PZP: variants seen among roughly 807,000 people sequenced by gnomAD.
The protein encoded by PZP is PZP alpha-2-macroglobulin like.
A neutral mutation model predicts 179.8 loss-of-function variants in PZP; 150 were observed. That is an observed-to-expected ratio of 0.83 (90% CI 0.73 to 0.96). The LOEUF is 0.96. Ranked by LOEUF, PZP falls within the 40% of genes least tolerant of loss-of-function variation. The probability of loss-of-function intolerance (pLI) is 0.00; values close to 1 mark genes in which losing one functional copy is unlikely to be tolerated. For missense variants in PZP, 1,689 were observed against 1,764.0 expected (o/e 0.96, Z 0.76); for synonymous variants, 624 against 652.3 (o/e 0.96, Z 0.66).
chr12:9,205,028 G>A lies in PZP; in HGVS notation c.84-1077C>T, dbSNP rs978864331. Among the ~76,000 whole-genome samples, 53 of 152,106 alleles carry A rather than the reference G, an allele frequency of 3.5e-4. 1 individual carries two copies. Among genetic ancestry groups the A allele is most frequent in the Non-Finnish European group, 2.6e-4 (18 of 67,990 alleles). On this transcript the variant is annotated intron_variant, in intron 1 of 35. Transcript: ENST00000261336. ...AAGAAGGATCACTTAAGCCCACGAGGTTGAGGCTACAGTGAGCTATGATTG... is the reference window on the plus strand; with the variant it reads ...AAGAAGGATCACTTAAGCCCACGAGATTGAGGCTACAGTGAGCTATGATTG...
intron 7 of PZP, 33 bp from the exon 8 acceptor site, chr12:9,197,156 A>G (rs1943826087): frequency 6.9e-7 from 1 of 1,452,506 alleles, no homozygotes; most frequent in Admixed American, 1.7e-5. Flanking sequence ...GGAATTGAGA[A>G]TGGCTGTTTG....
At position 9,203,896 on chromosome 12, in the gene PZP, A is replaced by G; in HGVS notation, c.139T>C (p.Cys47Arg). 1 of 1,614,060 alleles carries G rather than the reference A, an allele frequency of 6.2e-7. No individual in the cohort carries two copies. Among genetic ancestry groups the G allele is most frequent in the Non-Finnish European group, 8.5e-7 (1 of 1,179,924 alleles). Residue 47 changes from cysteine to arginine, a missense_variant, in exon 2 of 36, where the codon TGT becomes CGT. By Grantham distance (180) the Cys-to-Arg change is radical. This residue lies in a region of PZP where 742 missense variants were observed against 730.5 expected (regional missense o/e 1.02). Transcript: ENST00000261336. The stretch of plus-strand genomic sequence containing the variant: ...TCATTCAGGTGGCTCAGAAGGACAC[A>G]GCCCTTCTTAGGGGCCTCAGTGTGG... The part of the protein sequence containing the change: ...LLHTEAPKKG[C>R]VLLSHLNETV...
the PZP span, among the ~76,000 whole-genome samples, chr12:9,136,760 G>T: frequency 1.3e-5 from 2 of 151,906 alleles, no homozygotes; most frequent in African/African-American, 4.8e-5. Context: ...GTTTTGATTT[G>T]CATTTCCCTG....
intron 15 of PZP, 84 bp from the exon 16 acceptor site, chr12:9,169,675 T>A: frequency 2.3e-6 from 3 of 1,292,106 alleles, no homozygotes; most frequent in Non-Finnish European, 3.1e-6. Context: ...AAAATAATTA[T>A]CACCAATCTT....
At chr12:9,181,921 G>A (rs1411100808) in intron 14 of PZP, 54 bp downstream of exon 14, 6 of 1,556,572 alleles carry the variant, frequency 3.9e-6, no homozygotes, top group Non-Finnish European at 4.4e-6. Flanking sequence ...AAAATAGATG[G>A]CACCTACAGT....
chr12:9,139,413 A>G, the PZP span, among the ~76,000 whole-genome samples: 3 of 152,248 alleles, frequency 2.0e-5, no homozygotes, highest in South Asian at 4.2e-4. Context: ...TGTTTGGTGG[A>G]ATATTCTGCA....
At position 9,197,081 on chromosome 12, in the gene PZP, G is replaced by T; in HGVS notation, c.798C>A (p.Ser266Arg). 2 of 1,613,378 alleles carry T rather than the reference G, an allele frequency of 1.2e-6. No homozygotes were observed. The highest frequency in any genetic ancestry group is 1.7e-6 in the Non-Finnish European group (2 of 1,179,664). Residue 266 changes from serine to arginine, a missense_variant, in exon 8 of 36, where the codon AGC (serine) becomes AGA (arginine). Ser to Arg is a moderately radical substitution (Grantham distance 110). Around this residue, in one of 3 missense-constraint regions of PZP, gnomAD observed 742 missense variants for 730.5 expected, o/e 1.02. Coordinates refer to ENST00000261336, the MANE Select transcript of PZP (RefSeq NM_002864.3). The stretch of plus-strand genomic sequence containing the variant: ...GAACACGAGATAATTTTCTACACAG[G>T]CTCACAGTTGCAAGTCCTGGGACAG... ...GKPVPGLATV[S>R]LCRKLSRVLN... is the part of the protein sequence containing the mutation.
intron 13 of PZP, 37 bp from the exon 14 acceptor site, chr12:9,182,154 G>GTGAGACAAAATGGTCATAAT: frequency 6.2e-7 from 1 of 1,603,140 alleles, no homozygotes; most frequent in Non-Finnish European, 8.5e-7. Context: ...ATGGTCATAA[G>GTGAGACAAAATGGTCATAAT]TGAGACAAAA....
rs183460683 is a variant in PZP, at chr12:9,205,878, A to T, written c.84-1927T>A. Among the ~76,000 whole-genome samples the T allele has an allele frequency of 3.1e-3, 468 of 152,266 alleles. 3 individuals are homozygous for T. The highest frequency in any genetic ancestry group is 0.011 in the African/African-American group (449 of 41,540). The stretch of plus-strand genomic sequence containing the variant: ...TTGAGTTGTGGAATGTGGAACTCAA[A>T]TTTGGTCCCCTCATCCTCCATGTAG... On this transcript the variant is annotated intron_variant, in intron 1 of 35. Coordinates refer to ENST00000261336, the MANE Select transcript of PZP (RefSeq NM_002864.3).
chr12:9,161,021 A>T lies in PZP; in HGVS notation c.2872+12T>A, dbSNP rs747775013. On this transcript the variant is annotated intron_variant, in intron 23 of 35. Transcript: ENST00000261336. ...CTTTTGGCCCAGGTTTACTAAATGG[A>T]AGGTGACTCACCCAGAACTGAGAAA... The T allele has an allele frequency of 2.7e-5, 42 of 1,551,678 alleles. 1 individual carries two copies. Among genetic ancestry groups the T allele is most frequent in the South Asian group, 2.6e-4 (23 of 89,802 alleles).
At chr12:9,151,564 G>A (rs772334223) in intron 33 of PZP, 40 bp downstream of exon 33, 12 of 1,543,676 alleles carry the variant, frequency 7.8e-6, no homozygotes, top group Middle Eastern at 1.7e-4. Flanking sequence ...TTAGAAAGAC[G>A]ACCCATATGT....
At chr12:9,158,765 T>C (rs1180402469) in intron 25 of PZP, among the ~76,000 whole-genome samples, 189 bp from the exon 26 acceptor site, 1 of 149,338 alleles carries the variant, frequency 6.7e-6, no homozygotes, top group East Asian at 1.9e-4. Flanking sequence ...TTCTTTTTTT[T>C]TTTTTTTTTG....
chr12:9,154,696 C>G lies in PZP; in HGVS notation c.3694G>C (p.Gly1232Arg), dbSNP rs1450784571. The change falls in exon 29 of 36, where the codon GGG becomes CGG. Residue 1232 changes from glycine (G) to arginine (R), a missense_variant. Gly to Arg is a moderately radical substitution (Grantham distance 125). Transcript: ENST00000261336. ...YLTAQPAPTS[G>R]DLTSATNIVK... Reference sequence around the variant, plus strand: ...ATGTTAGTTGCAGAGGTCAGGTCCCCTGAGGTGGGGGCTGGCTGGGCCGTG... The same window carrying G: ...ATGTTAGTTGCAGAGGTCAGGTCCCGTGAGGTGGGGGCTGGCTGGGCCGTG... The G allele has an allele frequency of 6.2e-7, 1 of 1,614,170 alleles. No individual in the cohort carries two copies. Among genetic ancestry groups the G allele is most frequent in the Non-Finnish European group, 8.5e-7 (1 of 1,180,044 alleles).
In PZP at chr12:9,197,632, ATATATTATAT is replaced by A. The variant is rs1181816555; in HGVS notation, c.756-519_756-510del. Among the ~76,000 whole-genome samples the A allele has an allele frequency of 2.6e-3, 184 of 71,410 alleles. 20 individuals carry two copies. Among genetic ancestry groups the A allele is most frequent in the African/African-American group, 8.4e-3 (144 of 17,172 alleles). 46.8% of individuals were successfully genotyped at this position (71,410 alleles called of 152,430 possible). A position where few individuals can be genotyped will look rare whatever the true frequency, so the allele number is the denominator to read the frequency against. On this transcript the variant is annotated intron_variant, in intron 7 of 35. Coordinates refer to ENST00000261336, the MANE Select transcript of PZP (RefSeq NM_002864.3). Reference sequence around the variant, plus strand: ...ATATTATATATTTATATATTATATTATATATTATATTATATAATATAATATAAAATTATTA... The same window carrying A: ...ATATTATATATTTATATATTATATTATATATAATATAATATAAAATTATTA...
rs1462906631 is a variant in PZP at position 9,186,810 on chromosome 12, A to G, written c.1547-4693T>C. 3.1e-5 allele frequency among the ~76,000 whole-genome samples: 4 copies of G among 131,104 alleles called. 1 individual carries two copies. The highest frequency in any genetic ancestry group is 8.6e-5 in the African/African-American group (3 of 35,072). 86.0% of individuals were successfully genotyped at this position (131,104 alleles called of 152,430 possible). On this transcript the variant is annotated intron_variant, in intron 13 of 35. Transcript: ENST00000261336. ...AGTGGAAGTTGAAAAATGAGAACAC[A>G]TGGACACAGGGAGGGGAACATCACA...
downstream of PZP, among the ~76,000 whole-genome samples, chr12:9,144,222 G>GGGA (rs893319774): frequency 1.3e-5 from 2 of 152,154 alleles, no homozygotes; most frequent in African/African-American, 4.8e-5. Flanking sequence ...GTGAGGATGA[G>GGGA]GGAGGAGGAG....
intron 17 of PZP, chr12:9,168,593 C>T (rs1345232975): frequency 9.7e-6 from 3 of 310,270 alleles, no homozygotes; most frequent in Non-Finnish European, 1.8e-5. Flanking sequence ...ATTACTCTTT[C>T]TTTCCATTGT....
intron 7 of PZP, among the ~76,000 whole-genome samples, chr12:9,197,848 T>A (rs1404920323): frequency 3.5e-5 from 4 of 115,430 alleles, no homozygotes; most frequent in South Asian, 2.3e-4. Context: ...ATATAATATA[T>A]AATATTAATT....
the PZP span, among the ~76,000 whole-genome samples, chr12:9,139,556 C>T: frequency 5.3e-5 from 8 of 152,056 alleles, no homozygotes; most frequent in East Asian, 1.5e-3. Flanking sequence ...TTTTATTGCT[C>T]CCTATTTCTC....
Sources: gnomAD v4.1 joint callset for allele counts (sites outside exome capture counted in the v4.1 genomes callset) on GRCh38, gnomAD v4.1.1 for gene constraint, gnomAD v4.1.1 regional missense constraint, MANE v1.5 for transcripts, NCBI Gene and HGNC (gene_info 2026-07-23, HGNC 2026-07-21) for gene names.